RAPGEF1: variants seen among roughly 807,000 people sequenced by gnomAD.
RAPGEF1 encodes CRK SH3-binding GNRP.
RAPGEF1 carries 33 observed loss-of-function variants against 143.3 expected under a neutral mutation model. The ratio of observed to expected loss-of-function variants is 0.23; its 90% confidence interval spans 0.17 to 0.31. The LOEUF (loss-of-function observed/expected upper bound fraction) is 0.31, where lower values mean the gene tolerates loss of function less well. Among genes scored for constraint, RAPGEF1 ranks in the 10% least tolerant of loss-of-function variants. The pLI is 1.00. For missense variants in RAPGEF1, 1,199 were observed against 1,645.4 expected, an observed-to-expected ratio of 0.73 and a Z score of 4.69; for synonymous variants, 629 against 676.5, an observed-to-expected ratio of 0.93 and a Z score of 1.09.
In RAPGEF1 at chr9:131,621,997, C is replaced by G; in HGVS notation, c.1704G>C (p.Met568Ile). ...CCTCCAGCAACTGCATGTAGGCCAG[C>G]ACTGTGAAACAAGGGAGAAAGCTGC... is the stretch of plus-strand genomic sequence containing the variant. ...PPLPEKKNKH[M>I]LAYMQLLEDY... Residue 568 changes from methionine to isoleucine, a missense_variant and splice_region_variant, in exon 11 of 27, where the codon ATG (methionine) becomes ATC (isoleucine). By Grantham distance (10) the Met-to-Ile change is conservative (BLOSUM62 1). Transcript: ENST00000683357. This position sits in a 1 kb window ranked among gnomAD's most constrained non-coding sequence, Gnocchi z 4.5. The G allele has an allele frequency of 6.2e-7, 1 of 1,612,052 alleles. No homozygotes were observed. Among genetic ancestry groups the G allele is most frequent in the Non-Finnish European group, 8.5e-7 (1 of 1,179,068 alleles).
At chr9:131,721,085 C>T (rs1480558497) in intron 1 of RAPGEF1, among the ~76,000 whole-genome samples, 1 of 152,126 alleles carries the variant, frequency 6.6e-6, no homozygotes, top group African/African-American at 2.4e-5. Flanking sequence ...CCCAGACAAT[C>T]CCACCGACCC....
At chr9:131,645,913 G>T (rs910428856) in intron 3 of RAPGEF1, among the ~76,000 whole-genome samples, 9 of 152,204 alleles carry the variant, frequency 5.9e-5, no homozygotes, top group Non-Finnish European at 1.2e-4. Context: ...AATAACATCT[G>T]CCCCGTGTAA....
chr9:131,686,748 C>T (rs1176505306), intron 1 of RAPGEF1, among the ~76,000 whole-genome samples: 1 of 152,212 alleles, frequency 6.6e-6, no homozygotes, highest in African/African-American at 2.4e-5. Flanking sequence ...GGCAAAGCCT[C>T]TATATTGCTC....
rs547161919 is a variant in RAPGEF1, at chr9:131,583,594, T to C, written c.3414+717A>G. Among the ~76,000 whole-genome samples, 40 of 152,170 alleles carry C rather than the reference T, an allele frequency of 2.6e-4. No individual in the cohort carries two copies. The highest frequency in any genetic ancestry group is 9.6e-4 in the African/African-American group (40 of 41,514). On this transcript the variant is annotated intron_variant, in intron 24 of 26. Coordinates refer to ENST00000683357, the MANE Select transcript of RAPGEF1 (RefSeq NM_001377935.1). The surrounding 1 kb of genome is among the most constrained non-coding windows in gnomAD (Gnocchi z 4.7). ...TTGGGTCCCTGACATGACCCCTGGG[T>C]GGCCTGGCTGACACTCAAAAGCCAT...
chr9:131,698,471 A>C (rs1226939843), intron 1 of RAPGEF1, among the ~76,000 whole-genome samples: 1 of 152,244 alleles, frequency 6.6e-6, no homozygotes, highest in Non-Finnish European at 1.5e-5. Flanking sequence ...TGATGATTGA[A>C]AGCAACATGC....
intron 3 of RAPGEF1, among the ~76,000 whole-genome samples, chr9:131,647,263 G>C (rs539183331): frequency 3.4e-4 from 52 of 152,308 alleles, no homozygotes; most frequent in African/African-American, 1.2e-3. Flanking sequence ...AATATAGTGA[G>C]AAAAACAGAT....
chr9:131,603,388 T>A (rs1956588852), intron 14 of RAPGEF1, among the ~76,000 whole-genome samples: 1 of 152,132 alleles, frequency 6.6e-6, no homozygotes, highest in Non-Finnish European at 1.5e-5. Context: ...ACCGCGATGG[T>A]CGGGAGCTGG....
chr9:131,687,192 CTTTT>C (rs1255641283), intron 1 of RAPGEF1, among the ~76,000 whole-genome samples: 1 of 151,904 alleles, frequency 6.6e-6, no homozygotes, highest in Non-Finnish European at 1.5e-5. Context: ...TTTTTTTGTT[CTTTT>C]GTTTTATTTT....
intron 12 of RAPGEF1, among the ~76,000 whole-genome samples, chr9:131,610,893 C>A (rs1020409372): frequency 6.6e-6 from 1 of 152,212 alleles, no homozygotes; most frequent in Non-Finnish European, 1.5e-5. Context: ...CCAGGACACC[C>A]TCCTGCCCCA....
At chr9:131,630,191 C>CCACT in intron 6 of RAPGEF1, 45 bp downstream of exon 6, 1 of 1,552,192 alleles carries the variant, frequency 6.4e-7, no homozygotes. Context: ...GCAGACTTTG[C>CCACT]CACTGAGCGT....
intron 1 of RAPGEF1, among the ~76,000 whole-genome samples, chr9:131,657,963 T>C (rs1387153712): frequency 2.0e-5 from 3 of 152,254 alleles, no homozygotes; most frequent in South Asian, 4.1e-4. Flanking sequence ...CACTCAGGCA[T>C]GCTGGGGTGT....
rs1395859184 is a variant in RAPGEF1 at position 131,579,062 on chromosome 9, G to A, written c.*435C>T. The A allele has an allele frequency of 5.9e-6, 1 of 168,100 alleles. No homozygotes were observed. The highest frequency in any genetic ancestry group is 1.3e-5 in the Non-Finnish European group (1 of 77,336). 10.4% of individuals were successfully genotyped at this position (168,100 alleles called of 1,614,324 possible). Reference sequence around the variant, plus strand: ...CCCTGCAGGACAGGCCACCCCAGGAGGCCTCCACTCATTTGAGATTTCAGA... The same window carrying A: ...CCCTGCAGGACAGGCCACCCCAGGAAGCCTCCACTCATTTGAGATTTCAGA... On this transcript the variant is annotated 3_prime_UTR_variant, in exon 27 of 27. Transcript: ENST00000683357.
chr9:131,605,867 A>G (rs1405750210), intron 12 of RAPGEF1, among the ~76,000 whole-genome samples: 2 of 151,330 alleles, frequency 1.3e-5, no homozygotes, highest in African/African-American at 4.9e-5. Flanking sequence ...TGAGCCCAGG[A>G]GTTTGAGGCC....
At chr9:131,595,417 C>T (rs76743517) in intron 17 of RAPGEF1, among the ~76,000 whole-genome samples, 2,846 of 152,326 alleles carry the variant, frequency 0.019, 44 homozygotes, top group Middle Eastern at 0.034. Context: ...TTTTGGGAAA[C>T]GTGCTGAGGA....
At chr9:131,712,487 T>C (rs1200358287) in intron 1 of RAPGEF1, among the ~76,000 whole-genome samples, 1 of 152,098 alleles carries the variant, frequency 6.6e-6, no homozygotes, top group African/African-American at 2.4e-5. Flanking sequence ...TTCCTCCACT[T>C]CCCCACTCCT....
chr9:131,712,008 C>T (rs1835540651), intron 1 of RAPGEF1, among the ~76,000 whole-genome samples: 1 of 152,168 alleles, frequency 6.6e-6, no homozygotes, highest in Non-Finnish European at 1.5e-5. Flanking sequence ...GATCTTAAGG[C>T]CTCATAATTG....
chr9:131,587,904 C>G (rs780376046), intron 21 of RAPGEF1, 38 bp downstream of exon 21: 1 of 1,304,434 alleles, frequency 7.7e-7, no homozygotes, highest in Non-Finnish European at 1.1e-6. Flanking sequence ...CATTCAGGGA[C>G]AAACAGTGTG....
At chr9:131,716,944 C>G (rs531378532) in intron 1 of RAPGEF1, among the ~76,000 whole-genome samples, 2 of 152,306 alleles carry the variant, frequency 1.3e-5, no homozygotes, top group South Asian at 4.1e-4. Context: ...TAGCCGTGCA[C>G]CTGCCTGCCT....
At chr9:131,694,686 A>G (rs60087581) in intron 1 of RAPGEF1, among the ~76,000 whole-genome samples, 3,664 of 151,860 alleles carry the variant, frequency 0.024, 152 homozygotes, top group African/African-American at 0.083. Flanking sequence ...TCACCTTTCA[A>G]TGAGGCCACC....
Sources: gnomAD v4.1 joint callset for allele counts (sites outside exome capture counted in the v4.1 genomes callset) on GRCh38, gnomAD v4.1.1 for gene constraint, Gnocchi (gnomAD v3.1) non-coding constraint, MANE v1.5 for transcripts, NCBI Gene and HGNC (gene_info 2026-07-23, HGNC 2026-07-21) for gene names.